Variants in FAT3 observed in about 807,000 individuals in gnomAD.
FAT3 encodes protocadherin Fat 3.
Under a neutral mutation model 310.2 loss-of-function variants are expected in FAT3, and 95 were observed. That is an observed-to-expected ratio of 0.31 (90% CI 0.26 to 0.36). The LOEUF is 0.36. FAT3 is among the 10% of genes least tolerant of loss of function. The probability of loss-of-function intolerance (pLI) is 1.00; values close to 1 mark genes in which losing one functional copy is unlikely to be tolerated. For missense variants in FAT3, 5,408 were observed against 5,715.6 expected (o/e 0.95, Z 1.74); for synonymous variants, 2,314 against 2,192.9 (o/e 1.06, Z -1.54).
Position 92,286,251 on chromosome 11 carries a change from G to C in FAT3, c.-18+61077G>C, listed in dbSNP as rs180946959. Among the ~76,000 whole-genome samples, 42 of 152,202 alleles carry C rather than the reference G, an allele frequency of 2.8e-4. No individual in the cohort carries two copies. In the East Asian group the frequency reaches 5.0e-3, roughly 18 times the overall value. ...GTGTCTGTGGATTGGAAAAATTCAGGGTTCAAGTCTTTTCTATCGACCTCT... is the reference window on the plus strand; with the variant it reads ...GTGTCTGTGGATTGGAAAAATTCAGCGTTCAAGTCTTTTCTATCGACCTCT... On this transcript the variant is annotated intron_variant, in intron 1 of 27. Coordinates refer to ENST00000525166, the MANE Select transcript of FAT3 (RefSeq NM_001367949.2).
intron 4 of FAT3, among the ~76,000 whole-genome samples, chr11:92,742,075 G>A (rs542377628): frequency 2.2e-4 from 34 of 152,350 alleles, no homozygotes; most frequent in African/African-American, 7.9e-4. Flanking sequence ...TGTGCTGGAT[G>A]CTGCCAGTAC....
intron 2 of FAT3, among the ~76,000 whole-genome samples, chr11:92,478,941 TTTC>T (rs776611499): frequency 0.013 from 1,005 of 79,008 alleles, 17 homozygotes; most frequent in East Asian, 0.078. Context: ...CTTCTCTTTC[TTTC>T]TTTCTTTCTT....
chr11:92,617,858 G>A (rs978319779), intron 3 of FAT3, among the ~76,000 whole-genome samples: 4 of 152,132 alleles, frequency 2.6e-5, no homozygotes, highest in African/African-American at 9.7e-5. Flanking sequence ...TCATCTCAGA[G>A]GGGCACCCGG....
chr11:92,728,797 T>C (rs140056922), intron 4 of FAT3, among the ~76,000 whole-genome samples: 1 of 152,246 alleles, frequency 6.6e-6, no homozygotes, highest in Non-Finnish European at 1.5e-5. Flanking sequence ...GCCACATCCC[T>C]CTAATCTCTG....
At chr11:92,332,090 G>A (rs775237520) in intron 1 of FAT3, among the ~76,000 whole-genome samples, 1 of 152,130 alleles carries the variant, frequency 6.6e-6, no homozygotes, top group Non-Finnish European at 1.5e-5. Flanking sequence ...GGTAGGGAGG[G>A]GGCTCCTGAA....
intron 13 of FAT3, among the ~76,000 whole-genome samples, chr11:92,812,889 G>A (rs1004127277): frequency 6.6e-6 from 1 of 152,148 alleles, no homozygotes; most frequent in Non-Finnish European, 1.5e-5. Flanking sequence ...TAATCCCCAT[G>A]TGTCGTGGGA....
intron 2 of FAT3, among the ~76,000 whole-genome samples, chr11:92,491,494 T>C (rs1591361911): frequency 6.6e-6 from 1 of 152,026 alleles, no homozygotes; most frequent in Non-Finnish European, 1.5e-5. Context: ...ATTTTGAAGA[T>C]AATTTAAAAT....
rs138222543 is a variant in FAT3 at position 92,541,742 on chromosome 11, T to C, written c.3607+16794T>C. On this transcript the variant is annotated intron_variant, in intron 3 of 27. Coordinates refer to ENST00000525166, the MANE Select transcript of FAT3 (RefSeq NM_001367949.2). ...CCCTCCTACCTCTGTGAAACTGTCA[T>C]TTTATTATGTTTGATTTTAATGCGA... is the stretch of plus-strand genomic sequence containing the variant. Among the ~76,000 whole-genome samples, 115 of 152,214 alleles carry C rather than the reference T, an allele frequency of 7.6e-4. 1 individual carries two copies. In the East Asian group the frequency reaches 0.018, roughly 24 times the overall value.
intron 2 of FAT3, among the ~76,000 whole-genome samples, chr11:92,488,663 C>G (rs1195501796): frequency 6.6e-6 from 1 of 152,010 alleles, no homozygotes; most frequent in Non-Finnish European, 1.5e-5. Context: ...AACCATCCCC[C>G]AGGCTCCTTT....
At chr11:92,276,782 G>T (rs978166795) in intron 1 of FAT3, among the ~76,000 whole-genome samples, 1 of 152,184 alleles carries the variant, frequency 6.6e-6, no homozygotes, top group Non-Finnish European at 1.5e-5. Flanking sequence ...ATGCTTATTG[G>T]CATATGCCGT....
intron 3 of FAT3, among the ~76,000 whole-genome samples, chr11:92,550,345 G>A (rs1954766925): frequency 3.3e-5 from 5 of 152,158 alleles, no homozygotes; most frequent in Admixed American, 3.3e-4. Flanking sequence ...TGTTGTAAAT[G>A]TTCAGTGATT....
At chr11:92,309,180 G>C (rs1221806494) in intron 1 of FAT3, among the ~76,000 whole-genome samples, 2 of 121,602 alleles carry the variant, frequency 1.6e-5, no homozygotes, top group Admixed American at 2.4e-4. Context: ...CTGCAAAGCT[G>C]TGAAGCCTTG....
intron 3 of FAT3, among the ~76,000 whole-genome samples, chr11:92,680,427 ACTTTATTT>A (rs1435032208): frequency 2.0e-5 from 3 of 152,160 alleles, no homozygotes; most frequent in African/African-American, 2.4e-5. Context: ...TAAATGTGTG[ACTTTATTT>A]CTGGGTTCTC....
chr11:92,463,799 A>G (rs1027086553), intron 2 of FAT3, among the ~76,000 whole-genome samples: 1 of 152,170 alleles, frequency 6.6e-6, no homozygotes, highest in African/African-American at 2.4e-5. Flanking sequence ...ATGCCTGGAC[A>G]TTAGTTAGAA....
rs555088370 is a variant in FAT3, at chr11:92,746,943, C to T, written c.3670-14913C>T. Among the ~76,000 whole-genome samples, 10 of 152,352 alleles carry T rather than the reference C, an allele frequency of 6.6e-5. No homozygotes were observed. The East Asian group carries it at 1.9e-3, about 29-fold the overall frequency. ...TCCACTCCTGTGGCTTTGCAGGGTA[C>T]AGCCTCCCTCCTGACTGCTTTCATG... On this transcript the variant is annotated intron_variant, in intron 4 of 27. Transcript: ENST00000525166.
At chr11:92,234,076 A>T in intron 1 of FAT3, among the ~76,000 whole-genome samples, 1 of 152,230 alleles carries the variant, frequency 6.6e-6, no homozygotes, top group East Asian at 1.9e-4. Flanking sequence ...TTCTTTATAC[A>T]ATAGATATGT....
chr11:92,834,819 G>C, intron 14 of FAT3, 51 bp from the exon 15 acceptor site: 1 of 1,420,844 alleles, frequency 7.0e-7, no homozygotes, highest in South Asian at 1.3e-5. Context: ...TAGAATTGCT[G>C]ACCAGTGTTT....
rs149204581 is a variant in FAT3 at position 92,850,539 on chromosome 11, G to A, written c.11365+5807G>A. Among the ~76,000 whole-genome samples the A allele has an allele frequency of 7.0e-3, 1,071 of 152,256 alleles. 11 individuals carry two copies. The highest frequency in any genetic ancestry group is 0.024 in the African/African-American group (1,013 of 41,540). ...AAATGACTTCAAAGTTGAGACTTCC[G>A]TTTTTTAAAACTTCTCACAGGCCAT... On this transcript the variant is annotated intron_variant, in intron 19 of 27. Coordinates refer to ENST00000525166, the MANE Select transcript of FAT3 (RefSeq NM_001367949.2).
At chr11:92,699,493 T>C (rs1036520856) in intron 4 of FAT3, among the ~76,000 whole-genome samples, 2 of 152,236 alleles carry the variant, frequency 1.3e-5, no homozygotes, top group Non-Finnish European at 2.9e-5. Context: ...TATGCATTGT[T>C]ATAAAAAAAT....
Sources: allele counts gnomAD v4.1 joint callset (sites outside exome capture counted in the v4.1 genomes callset), GRCh38; gene constraint gnomAD v4.1.1; transcripts MANE v1.5; gene names NCBI Gene and HGNC (gene_info 2026-07-23, HGNC 2026-07-21).